Variants in WDFY4 observed in about 807,000 individuals in gnomAD.
WDFY4 encodes WDFY family member 4.
WDFY4 carries 169 observed loss-of-function variants against 351.9 expected under a neutral mutation model. The ratio of observed to expected loss-of-function variants is 0.48; its 90% CI spans 0.42 to 0.55. WDFY4 has a LOEUF of 0.55. WDFY4 is among the 20% of genes least tolerant of loss of function. The pLI is 0.00. For synonymous variants in WDFY4, 1,622 were observed against 1,574.6 expected (o/e 1.03, Z -0.71); for missense variants, 3,803 against 3,935.6 (o/e 0.97, Z 0.90).
intron 47 of WDFY4, among the ~76,000 whole-genome samples, chr10:48,934,413 C>T (rs1267606138): frequency 6.6e-6 from 1 of 152,202 alleles, no homozygotes; most frequent in Non-Finnish European, 1.5e-5. Context: ...CGGGGGGATA[C>T]AGCAATTGAG....
chr10:48,736,735 T>C (rs1014721111), intron 11 of WDFY4, among the ~76,000 whole-genome samples: 1 of 152,210 alleles, frequency 6.6e-6, no homozygotes, highest in East Asian at 1.9e-4. Flanking sequence ...GTGCATTGGT[T>C]AGACACTGAG....
At chr10:48,763,776 T>C (rs551621289) in intron 13 of WDFY4, among the ~76,000 whole-genome samples, 6 of 152,368 alleles carry the variant, frequency 3.9e-5, no homozygotes, top group African/African-American at 1.2e-4. Context: ...CTCTCAAATA[T>C]GCAAATGAAA....
At position 48,978,459 on chromosome 10, in the gene WDFY4, C is replaced by T. The variant is rs145011193; in HGVS notation, c.9376+66C>T. 464 of 1,428,324 alleles carry T rather than the reference C, an allele frequency of 3.2e-4. 4 individuals are homozygous for T. In the African/African-American group the frequency reaches 5.0e-3, roughly 15 times the overall value. 88.5% of individuals were successfully genotyped at this position (1,428,324 alleles called of 1,614,324 possible). A position where few individuals can be genotyped will look rare whatever the true frequency, so the allele number is the denominator to read the frequency against. On this transcript the variant is annotated intron_variant, in intron 60 of 61. Transcript: ENST00000325239. ...CTGCCCTCCTCACCTCCCCTCTCTC[C>T]ACCTCAGCCCAAGGGCTGCAGCTCC... is the stretch of plus-strand genomic sequence containing the variant.
chr10:48,763,729 T>C (rs1336957672), intron 13 of WDFY4, among the ~76,000 whole-genome samples: 3 of 152,254 alleles, frequency 2.0e-5, no homozygotes, highest in Non-Finnish European at 4.4e-5. Context: ...CAGGTCACAA[T>C]AAGTAATTTA....
At chr10:48,721,215 G>T (rs1171595314) in intron 3 of WDFY4, 46 bp from the exon 4 acceptor site, 1 of 1,525,820 alleles carries the variant, frequency 6.6e-7, no homozygotes, top group Non-Finnish European at 8.9e-7. Flanking sequence ...AGGGGAAGCT[G>T]AGTGGGCAGG....
chr10:48,736,293 G>A, intron 11 of WDFY4: 1 of 619,616 alleles, frequency 1.6e-6, no homozygotes, highest in Non-Finnish European at 2.9e-6. Context: ...TCAATGATTG[G>A]TGACTGTCAT....
intron 7 of WDFY4, among the ~76,000 whole-genome samples, chr10:48,727,972 G>A (rs749018042): frequency 5.3e-5 from 8 of 152,206 alleles, no homozygotes; most frequent in Non-Finnish European, 1.2e-4. Context: ...TGCCCTGCCT[G>A]TGTGCTTGGA....
At chr10:48,885,703 A>C (rs2070424871) in intron 43 of WDFY4, among the ~76,000 whole-genome samples, 1 of 151,914 alleles carries the variant, frequency 6.6e-6, no homozygotes, top group South Asian at 2.1e-4. Context: ...ATATAAAACA[A>C]TAAGGAGATG....
chr10:48,706,916 A>G (rs1443582529), intron 1 of WDFY4, among the ~76,000 whole-genome samples: 1 of 152,246 alleles, frequency 6.6e-6, no homozygotes. Flanking sequence ...GAATAAAGGC[A>G]TTGAGGATCT....
chr10:48,765,030 C>T (rs2065624124), intron 13 of WDFY4, among the ~76,000 whole-genome samples: 1 of 152,152 alleles, frequency 6.6e-6, no homozygotes, highest in African/African-American at 2.4e-5. Flanking sequence ...ATAAAGATGC[C>T]TATTTGGGGA....
At chr10:48,768,524 A>G (rs925911197) in intron 13 of WDFY4, among the ~76,000 whole-genome samples, 16 of 151,782 alleles carry the variant, frequency 1.1e-4, no homozygotes, top group African/African-American at 2.7e-4. Context: ...TTATCCTTCA[A>G]CGCTTCATTG....
chr10:48,853,105 C>T (rs1019207492), intron 39 of WDFY4, among the ~76,000 whole-genome samples: 3 of 152,108 alleles, frequency 2.0e-5, no homozygotes, highest in Non-Finnish European at 4.4e-5. Context: ...ATGATTTTCC[C>T]CAAGCTGCTC....
At chr10:48,738,386 A>G (rs2132387166) in intron 11 of WDFY4, among the ~76,000 whole-genome samples, 1 of 152,364 alleles carries the variant, frequency 6.6e-6, no homozygotes, top group East Asian at 1.9e-4. Context: ...TCATTTCAGA[A>G]TCACAGTTAT....
At chr10:48,828,008 C>T (rs113097866) in intron 36 of WDFY4, among the ~76,000 whole-genome samples, 17 of 152,160 alleles carry the variant, frequency 1.1e-4, no homozygotes, top group African/African-American at 4.1e-4. Flanking sequence ...CCTCAGTTCC[C>T]TCTGTTTAGC....
intron 13 of WDFY4, among the ~76,000 whole-genome samples, chr10:48,766,957 G>A (rs2065691892): frequency 6.6e-6 from 1 of 152,174 alleles, no homozygotes; most frequent in Non-Finnish European, 1.5e-5. Context: ...CTAAAGGTGT[G>A]TACATTTAAT....
intron 17 of WDFY4, among the ~76,000 whole-genome samples, chr10:48,778,401 G>A (rs959784799): frequency 8.5e-5 from 13 of 152,378 alleles, no homozygotes; most frequent in Admixed American, 7.2e-4. Flanking sequence ...AGCTGACCAG[G>A]AGCCCACGTG....
intron 11 of WDFY4, among the ~76,000 whole-genome samples, chr10:48,736,799 G>T (rs911172457): frequency 6.6e-6 from 1 of 152,144 alleles, no homozygotes; most frequent in Non-Finnish European, 1.5e-5. Flanking sequence ...GCCTTACCTG[G>T]TTGAGGAAGG....
At chr10:48,934,202 C>T (rs1840209964) in intron 47 of WDFY4, among the ~76,000 whole-genome samples, 1 of 152,224 alleles carries the variant, frequency 6.6e-6, no homozygotes, top group Non-Finnish European at 1.5e-5. Flanking sequence ...GTTCACATAG[C>T]ATCCGTGTTG....
intron 51 of WDFY4, among the ~76,000 whole-genome samples, chr10:48,956,169 A>G (rs1250145409): frequency 6.6e-6 from 1 of 152,210 alleles, no homozygotes; most frequent in South Asian, 2.1e-4. Flanking sequence ...GACAATTCAC[A>G]TGAGAGAATC....
Sources: allele counts gnomAD v4.1 joint callset (sites outside exome capture counted in the v4.1 genomes callset), GRCh38; gene constraint gnomAD v4.1.1; transcripts MANE v1.5; gene names NCBI Gene and HGNC (gene_info 2026-07-23, HGNC 2026-07-21).